Variants in SUN5 observed in about 807,000 individuals in gnomAD.
SUN5 encodes SUN domain-containing protein 5.
A neutral mutation model predicts 53.7 loss-of-function variants in SUN5; 44 were observed. That is an observed-to-expected ratio of 0.82 (90% CI 0.64 to 1.05). The LOEUF (loss-of-function observed/expected upper bound fraction) is 1.05, where lower values mean the gene tolerates loss of function less well. Among genes scored for constraint, SUN5 ranks in the 50% least tolerant of loss-of-function variants. The probability of loss-of-function intolerance (pLI) is 0.00; values close to 1 mark genes in which losing one functional copy is unlikely to be tolerated. For missense variants in SUN5, 433 were observed against 483.8 expected (o/e 0.90, Z 0.98); for synonymous variants, 166 against 179.8 (o/e 0.92, Z 0.62).
rs760509740 is a variant in SUN5, at chr20:33,002,924, GGAT to G, written c.78-8_78-6del. The G allele has an allele frequency of 3.1e-6, 5 of 1,614,084 alleles. No homozygotes were observed. The highest frequency in any genetic ancestry group is 1.7e-5 in the Admixed American group (1 of 60,028). ...TTCCGGCCTCGCTGGGCAATCCTGG[GGAT>G]GATAAGATTCATAGTCGCATTTTAC... On this transcript the variant is annotated splice_region_variant and splice_polypyrimidine_tract_variant and intron_variant, in intron 1 of 12. Transcript: ENST00000356173.
intron 11 of SUN5, 83 bp downstream of exon 11, chr20:32,985,653 C>T: frequency 6.6e-7 from 1 of 1,522,416 alleles, no homozygotes; most frequent in Non-Finnish European, 8.9e-7. Flanking sequence ...GTTGTGCAGA[C>T]ACTGTTTACC....
At chr20:32,987,117 C>T (rs1441635808) in intron 10 of SUN5, among the ~76,000 whole-genome samples, 2 of 152,220 alleles carry the variant, frequency 1.3e-5, no homozygotes, top group Non-Finnish European at 2.9e-5. Context: ...GTGACCAGGA[C>T]AAGCCCTTTC....
intron 5 of SUN5, among the ~76,000 whole-genome samples, chr20:32,998,175 C>CAAAAAAAAAAAAAAAAA (rs35729664): frequency 1.7e-5 from 1 of 59,718 alleles, no homozygotes; most frequent in African/African-American, 5.8e-5. Context: ...CCCATCTCTA[C>CAAAAAAAAAAAAAAAAA]AAAAAAAAAA....
At chr20:32,999,746 A>G (rs1989950641) in intron 5 of SUN5, 1 of 579,722 alleles carries the variant, frequency 1.7e-6, no homozygotes, top group African/African-American at 1.9e-5. Flanking sequence ...ATGTCAGTGG[A>G]GGGAGGAGAT....
intron 3 of SUN5, among the ~76,000 whole-genome samples, chr20:33,001,566 TCTTC>T (rs72331042): frequency 1.1e-4 from 5 of 45,684 alleles, no homozygotes; most frequent in Non-Finnish European, 2.3e-4. Context: ...TTCTTTCTTT[TCTTC>T]CTTCCTTCCT....
intron 5 of SUN5, among the ~76,000 whole-genome samples, chr20:32,998,077 G>A (rs770742332): frequency 7.2e-6 from 1 of 138,202 alleles, no homozygotes; most frequent in Non-Finnish European, 1.5e-5. Context: ...GGTGGCTCAC[G>A]CCCATAATCC....
At chr20:32,999,424 C>T (rs1237289372) in intron 5 of SUN5, among the ~76,000 whole-genome samples, 2 of 152,122 alleles carry the variant, frequency 1.3e-5, no homozygotes, top group Non-Finnish European at 2.9e-5. Flanking sequence ...GAAACCCCAT[C>T]CCTACTAAAA....
intron 12 of SUN5, among the ~76,000 whole-genome samples, chr20:32,984,571 C>T (rs951941643): frequency 1.3e-5 from 2 of 152,222 alleles, no homozygotes; most frequent in Non-Finnish European, 1.5e-5. Context: ...CCCAAGCTCA[C>T]ACATAATTTG....
At chr20:32,986,237 A>G (rs1436469781) in intron 10 of SUN5, among the ~76,000 whole-genome samples, 2 of 152,126 alleles carry the variant, frequency 1.3e-5, no homozygotes, top group African/African-American at 2.4e-5. Context: ...TGGTCTTACA[A>G]TCACCCCATG....
intron 5 of SUN5, chr20:32,999,830 G>C: frequency 7.4e-7 from 1 of 1,354,762 alleles, no homozygotes; most frequent in South Asian, 1.5e-5. Flanking sequence ...TGGAAACCCA[G>C]AAAGCGGAAG....
At chr20:32,995,193 C>A (rs8114079) in intron 8 of SUN5, among the ~76,000 whole-genome samples, 11,748 of 152,090 alleles carry the variant, frequency 0.077, 1,368 homozygotes, top group African/African-American at 0.25. Context: ...TTAATAAGCT[C>A]GGCAAACCAC....
intron 10 of SUN5, among the ~76,000 whole-genome samples, chr20:32,986,461 G>A (rs1691954842): frequency 6.6e-6 from 1 of 152,164 alleles, no homozygotes; most frequent in Admixed American, 6.5e-5. Context: ...CAGGAAAGGC[G>A]ATTACTCGGT....
chr20:33,002,501 C>T (rs1568971730), intron 3 of SUN5, 86 bp downstream of exon 3: 3 of 1,385,564 alleles, frequency 2.2e-6, no homozygotes, highest in South Asian at 2.4e-5. Flanking sequence ...GCAGGCATTG[C>T]CACCCCCAGG....
chr20:32,997,547 T>C, intron 6 of SUN5, 91 bp downstream of exon 6: 1 of 1,461,694 alleles, frequency 6.8e-7, no homozygotes, highest in Non-Finnish European at 9.4e-7. Flanking sequence ...AGGGGCCCCA[T>C]TTGGTGAGAA....
At chr20:32,993,009 A>G (rs1989748209) in intron 8 of SUN5, among the ~76,000 whole-genome samples, 1 of 152,232 alleles carries the variant, frequency 6.6e-6, no homozygotes, top group Non-Finnish European at 1.5e-5. Context: ...ACACACTCAT[A>G]CCTCATGATC....
At chr20:32,987,904 G>A in intron 9 of SUN5, 129 bp from the exon 10 acceptor site, 1 of 639,714 alleles carries the variant, frequency 1.6e-6, no homozygotes. Context: ...TCTCCTCTAG[G>A]AAATGTGATT....
chr20:33,004,147 G>T, intron 1 of SUN5, 117 bp downstream of exon 1: 2 of 1,095,544 alleles, frequency 1.8e-6, no homozygotes, highest in Non-Finnish European at 2.4e-6. Context: ...CTCTGGTCTT[G>T]GTGGCTGTCT....
At chr20:32,995,539 A>G in intron 8 of SUN5, 80 bp downstream of exon 8, 1 of 1,249,652 alleles carries the variant, frequency 8.0e-7, no homozygotes, top group Non-Finnish European at 1.2e-6. Flanking sequence ...TAAAACCAAG[A>G]AAGAACACTT....
At chr20:32,985,029 G>T (rs550183515) in intron 12 of SUN5, 70 bp downstream of exon 12, 2 of 1,507,174 alleles carry the variant, frequency 1.3e-6, no homozygotes, top group East Asian at 2.3e-5. Flanking sequence ...GATGAAGAGG[G>T]GGTCCCTGGG....
Sources: allele counts gnomAD v4.1 joint callset (sites outside exome capture counted in the v4.1 genomes callset), GRCh38; gene constraint gnomAD v4.1.1; transcripts MANE v1.5; gene names NCBI Gene and HGNC (gene_info 2026-07-23, HGNC 2026-07-21).